SVOP: variants seen among roughly 807,000 people sequenced by gnomAD.
SVOP encodes SV2 related protein, also known as synaptic vesicle 2-related protein.
A neutral mutation model predicts 69.1 loss-of-function variants in SVOP; 17 were observed. That is an observed-to-expected ratio of 0.25 (90% CI 0.17 to 0.37). The LOEUF is 0.37. SVOP is among the 10% of genes least tolerant of loss of function. SVOP has a pLI of 1.00. For missense variants in SVOP, 435 were observed against 597.5 expected, an observed-to-expected ratio of 0.73 and a Z score of 2.84; for synonymous variants, 238 against 238.6, an observed-to-expected ratio of 1.00 and a Z score of 0.02.
At chr12:108,954,555 C>T (rs2039975070) in intron 6 of SVOP, among the ~76,000 whole-genome samples, 1 of 152,142 alleles carries the variant, frequency 6.6e-6, no homozygotes, top group Non-Finnish European at 1.5e-5. Flanking sequence ...CCCAGAACCC[C>T]ATGGGAAGAA....
At chr12:108,925,577 CAT>C (rs2039775497) in intron 11 of SVOP, among the ~76,000 whole-genome samples, 1 of 152,238 alleles carries the variant, frequency 6.6e-6, no homozygotes, top group Admixed American at 6.5e-5. Context: ...TCCCATGACA[CAT>C]AGAGTAAAAG....
At chr12:108,917,214 A>G (rs2039719289) in intron 14 of SVOP, among the ~76,000 whole-genome samples, 3 of 152,082 alleles carry the variant, frequency 2.0e-5, no homozygotes, top group African/African-American at 7.2e-5. Flanking sequence ...GGATCTCAAC[A>G]CTCGAGATTT....
At chr12:108,965,466 T>C (rs2040039879) in intron 5 of SVOP, among the ~76,000 whole-genome samples, 1 of 152,210 alleles carries the variant, frequency 6.6e-6, no homozygotes. Context: ...TTCCCTGTCG[T>C]GTCAGCCTCT....
chr12:108,952,572 C>T (rs994514232), intron 6 of SVOP, among the ~76,000 whole-genome samples: 2 of 152,080 alleles, frequency 1.3e-5, no homozygotes, highest in African/African-American at 4.8e-5. Flanking sequence ...TGGCCAGGCA[C>T]GGTGGCTCAC....
At chr12:108,999,616 T>C (rs371496807) in intron 1 of SVOP, among the ~76,000 whole-genome samples, 127,782 of 134,298 alleles carry the variant, frequency 0.95, 61,209 homozygotes, top group East Asian at 1. Context: ...AACTATCTCT[T>C]AGACCACAGT....
At chr12:108,967,430 C>T (rs1326659708) in intron 5 of SVOP, among the ~76,000 whole-genome samples, 2 of 151,764 alleles carry the variant, frequency 1.3e-5, no homozygotes, top group East Asian at 1.9e-4. Context: ...ACCTGGGAGG[C>T]AGAGCTTGCA....
At chr12:109,015,049 G>T (rs2040360512) in intron 1 of SVOP, among the ~76,000 whole-genome samples, 5 of 152,114 alleles carry the variant, frequency 3.3e-5, no homozygotes, top group Admixed American at 3.3e-4. Flanking sequence ...TTTAATAGTA[G>T]CCATCCTGAT....
chr12:108,971,469 G>T (rs552773893), intron 5 of SVOP, among the ~76,000 whole-genome samples: 1 of 151,448 alleles, frequency 6.6e-6, no homozygotes, highest in African/African-American at 2.4e-5. Context: ...GCTTGCCCAA[G>T]ATCACACAGC....
At chr12:108,973,868 T>C (rs573228638) in intron 4 of SVOP, among the ~76,000 whole-genome samples, 2 of 152,322 alleles carry the variant, frequency 1.3e-5, no homozygotes, top group African/African-American at 4.8e-5. Flanking sequence ...ATGTAAACCC[T>C]TCAGGGTGCC....
At chr12:109,009,964 A>C (rs941205562) in intron 1 of SVOP, among the ~76,000 whole-genome samples, 2 of 151,970 alleles carry the variant, frequency 1.3e-5, no homozygotes, top group African/African-American at 2.4e-5. Flanking sequence ...GATACTATTA[A>C]TAATTACACC....
At chr12:108,977,341 G>C in intron 4 of SVOP, 57 bp downstream of exon 4, 1 of 1,517,412 alleles carries the variant, frequency 6.6e-7, no homozygotes, top group Non-Finnish European at 8.8e-7. Context: ...ATATCCCACA[G>C]GACACCCCAG....
intron 4 of SVOP, among the ~76,000 whole-genome samples, chr12:108,975,725 G>A (rs545261278): frequency 2.6e-5 from 4 of 152,176 alleles, no homozygotes; most frequent in Admixed American, 2.6e-4. Flanking sequence ...TATTTGAGAT[G>A]GAGTGTCACT....
At chr12:108,933,052 T>G (rs893683398) in intron 11 of SVOP, among the ~76,000 whole-genome samples, 2 of 152,034 alleles carry the variant, frequency 1.3e-5, no homozygotes, top group African/African-American at 4.8e-5. Flanking sequence ...CTAATTTTTG[T>G]ACTTATAGTG....
At chr12:108,957,386 A>G (rs1372286516) in intron 6 of SVOP, among the ~76,000 whole-genome samples, 1 of 151,838 alleles carries the variant, frequency 6.6e-6, no homozygotes, top group African/African-American at 2.4e-5. Flanking sequence ...ATGGTCTCGA[A>G]CTCCTGTCCT....
intron 1 of SVOP, among the ~76,000 whole-genome samples, chr12:108,990,478 GAAGGGGA>G (rs1225222485): frequency 1.4e-5 from 2 of 147,476 alleles, no homozygotes; most frequent in African/African-American, 5.0e-5. Flanking sequence ...TTGGACACAG[GAAGGGGA>G]ACATCACACA....
intron 7 of SVOP, among the ~76,000 whole-genome samples, chr12:108,944,442 T>C (rs2039911058): frequency 6.6e-6 from 1 of 152,184 alleles, no homozygotes; most frequent in African/African-American, 2.4e-5. Context: ...ACATTGTCAG[T>C]GTGGTTAAAA....
In SVOP at chr12:108,919,495, A is replaced by G. The variant is rs746882723; in HGVS notation, c.1268+180T>C. The stretch of plus-strand genomic sequence containing the variant: ...TGCACCCATACCTGGGCATACACCA[A>G]CACATGCACTCACACCTGTACCTGT... On this transcript the variant is annotated intron_variant, in intron 13 of 15. Coordinates refer to ENST00000610966, the MANE Select transcript of SVOP (RefSeq NM_018711.5). 8.1e-4 allele frequency among the ~76,000 whole-genome samples: 122 copies of G among 150,374 alleles called. 1 individual carries two copies. Among genetic ancestry groups the G allele is most frequent in the Non-Finnish European group, 1.6e-3 (107 of 67,638 alleles).
At chr12:108,943,244 G>A (rs142436924) in intron 7 of SVOP, among the ~76,000 whole-genome samples, 5,486 of 152,012 alleles carry the variant, frequency 0.036, 621 homozygotes, top group Admixed American at 0.22. Flanking sequence ...GATTTCTGTT[G>A]CTGGCAATCA....
chr12:108,963,642 A>G (rs1275784622), intron 5 of SVOP, among the ~76,000 whole-genome samples: 4 of 152,090 alleles, frequency 2.6e-5, no homozygotes, highest in Non-Finnish European at 5.9e-5. Flanking sequence ...TTGCACCACC[A>G]TGGCCAGCTA....
Sources: allele counts gnomAD v4.1 joint callset (sites outside exome capture counted in the v4.1 genomes callset), GRCh38; gene constraint gnomAD v4.1.1; transcripts MANE v1.5; gene names NCBI Gene and HGNC (gene_info 2026-07-23, HGNC 2026-07-21).